The following PEAK1 variants were observed in gnomAD, a reference collection of about 807,000 sequenced individuals.
The protein encoded by PEAK1 is inactive tyrosine-protein kinase PEAK1.
In PEAK1, 54 loss-of-function variants were observed where a neutral mutation model predicts 124.7. The ratio of observed to expected loss-of-function variants is 0.43; its 90% CI spans 0.35 to 0.54. The LOEUF is 0.54. PEAK1 is among the 20% of genes least tolerant of loss of function. The pLI is 0.01. For synonymous variants in PEAK1, 719 were observed against 760.0 expected (o/e 0.95, Z 0.89); for missense variants, 2,046 against 2,134.5 (o/e 0.96, Z 0.82).
chr15:77,321,815 T>C (rs2065237518), intron 2 of PEAK1, among the ~76,000 whole-genome samples: 1 of 152,202 alleles, frequency 6.6e-6, no homozygotes, highest in South Asian at 2.1e-4. Flanking sequence ...CTTTAATCCA[T>C]CTCAAATTAA....
Position 77,179,707 on chromosome 15 carries a change from C to T in PEAK1, c.2220G>A (p.Glu740=). 1.2e-6 allele frequency: 2 copies of T among 1,614,060 alleles called. No individual in the cohort carries two copies. The highest frequency in any genetic ancestry group is 1.3e-5 in the African/African-American group (1 of 75,014). ...GAGTGCCTTCTATTTTGGCCACAGGCTCTTGAGTGGCTCTCTGGATCTTTG... is the reference window on the plus strand; with the variant it reads ...GAGTGCCTTCTATTTTGGCCACAGGTTCTTGAGTGGCTCTCTGGATCTTTG... ...SPAKIQRATQ[E]PVAKIEGTQE... The change falls in exon 7 of 10, where the codon GAG becomes GAA. Residue 740 remains glutamate, a synonymous_variant. Transcript: ENST00000682557.
intron 5 of PEAK1, among the ~76,000 whole-genome samples, chr15:77,254,351 G>A (rs1328362543): frequency 1.3e-5 from 2 of 151,934 alleles, no homozygotes; most frequent in Admixed American, 1.3e-4. Context: ...GGTCATTCAG[G>A]ATATGTTCTT....
chr15:77,332,561 C>CT (rs2065956199), intron 2 of PEAK1, among the ~76,000 whole-genome samples: 1 of 151,918 alleles, frequency 6.6e-6, no homozygotes, highest in South Asian at 2.1e-4. Context: ...GATTGCACCA[C>CT]TGCACTCCAG....
intron 6 of PEAK1, among the ~76,000 whole-genome samples, chr15:77,245,145 G>A (rs1004689103): frequency 3.9e-5 from 6 of 151,932 alleles, no homozygotes; most frequent in Non-Finnish European, 5.9e-5. Context: ...CAAGGCCTAC[G>A]TCAAGGTATA....
chr15:77,414,204 C>CTTCT (rs1271490591), intron 1 of PEAK1, among the ~76,000 whole-genome samples: 1 of 68,728 alleles, frequency 1.5e-5, no homozygotes, highest in Non-Finnish European at 3.9e-5. Context: ...TCCTTCTTTC[C>CTTCT]TTCTTTTTTT....
intron 5 of PEAK1, among the ~76,000 whole-genome samples, chr15:77,277,092 A>G (rs1205028136): frequency 6.6e-6 from 1 of 152,196 alleles, no homozygotes; most frequent in African/African-American, 2.4e-5. Flanking sequence ...GGAAAGCCAG[A>G]AAAACAAACA....
At chr15:77,153,838 TG>T (rs2054880029) in intron 8 of PEAK1, among the ~76,000 whole-genome samples, 1 of 152,348 alleles carries the variant, frequency 6.6e-6, no homozygotes, top group African/African-American at 2.4e-5. Context: ...GATTGCACCG[TG>T]GCCTGAGAGA....
intron 5 of PEAK1, among the ~76,000 whole-genome samples, chr15:77,277,181 T>C (rs1422634330): frequency 6.6e-6 from 1 of 152,176 alleles, no homozygotes; most frequent in East Asian, 1.9e-4. Context: ...TCAACTTAGA[T>C]GGATCTCAAG....
intron 6 of PEAK1, among the ~76,000 whole-genome samples, chr15:77,250,160 TATATACATATATATGTATATG>T (rs2060784353): frequency 7.1e-6 from 1 of 141,620 alleles, no homozygotes. Flanking sequence ...TATATACATA[TATATACATATATATGTATATG>T]TATATATATA....
intron 1 of PEAK1, chr15:77,418,807 T>C (rs1454878611): frequency 1.0e-6 from 1 of 985,134 alleles, no homozygotes; most frequent in East Asian, 1.1e-4. Context: ...TACACATCAC[T>C]ACATCACTTC....
chr15:77,170,787 C>A (rs934355231), intron 7 of PEAK1, among the ~76,000 whole-genome samples: 9 of 152,090 alleles, frequency 5.9e-5, no homozygotes, highest in African/African-American at 2.2e-4. Flanking sequence ...TCAAAAGTTA[C>A]AACTACTCAG....
At chr15:77,240,516 A>G (rs2060308100) in intron 6 of PEAK1, among the ~76,000 whole-genome samples, 1 of 151,742 alleles carries the variant, frequency 6.6e-6, no homozygotes, top group South Asian at 2.1e-4. Context: ...GCTACTTGGG[A>G]GGCTGAGGTG....
rs150508096 is a variant in PEAK1 at position 77,327,920 on chromosome 15, A to C, written c.-603+37243T>G. Among the ~76,000 whole-genome samples the C allele has an allele frequency of 3.5e-3, 537 of 152,248 alleles. 2 individuals are homozygous for C. Among genetic ancestry groups the C allele is most frequent in the African/African-American group, 0.012 (506 of 41,552 alleles). On this transcript the variant is annotated intron_variant, in intron 2 of 9. Transcript: ENST00000682557. ...GAAGGAAAAAAAATAAAAAAACCTTAGTCAAAGCACCCTGAAACGGCAACA... is the reference window on the plus strand; with the variant it reads ...GAAGGAAAAAAAATAAAAAAACCTTCGTCAAAGCACCCTGAAACGGCAACA...
intron 2 of PEAK1, chr15:77,336,155 C>G (rs1567274934): frequency 3.0e-6 from 3 of 985,426 alleles, no homozygotes; most frequent in Non-Finnish European, 3.6e-6. Context: ...CAGATGAGCA[C>G]AAGACCTGCA....
intron 6 of PEAK1, among the ~76,000 whole-genome samples, chr15:77,210,272 G>A (rs1433537686): frequency 6.6e-6 from 1 of 152,142 alleles, no homozygotes; most frequent in African/African-American, 2.4e-5. Flanking sequence ...TATCACTAAA[G>A]TTATTGGTAA....
At chr15:77,371,297 A>G in intron 1 of PEAK1, 2 of 926,724 alleles carry the variant, frequency 2.2e-6, no homozygotes. Flanking sequence ...ATATTGGAAC[A>G]TAATATATAT....
chr15:77,263,517 A>C (rs1467089813), intron 5 of PEAK1, among the ~76,000 whole-genome samples: 1 of 152,146 alleles, frequency 6.6e-6, no homozygotes, highest in Non-Finnish European at 1.5e-5. Flanking sequence ...TAAATGGATA[A>C]ATTCCTCGAC....
At chr15:77,178,688 A>C (rs1267201082) in intron 7 of PEAK1, 102 bp downstream of exon 7, 2 of 1,169,998 alleles carry the variant, frequency 1.7e-6, no homozygotes, top group East Asian at 4.8e-5. Context: ...AGTGCTACTT[A>C]CAAACAGAAA....
chr15:77,389,701 TAATAG>T lies in PEAK1; in HGVS notation c.-665-24481_-665-24477del, dbSNP rs143067274. Among the ~76,000 whole-genome samples the T allele has an allele frequency of 7.2e-3, 1,102 of 152,288 alleles. 14 individuals are homozygous for T. The highest frequency in any genetic ancestry group is 0.025 in the African/African-American group (1,046 of 41,550). On this transcript the variant is annotated intron_variant, in intron 1 of 9. Transcript: ENST00000682557. ...TGGAGGAGGCATCAAGGTGTGCATG[TAATAG>T]AAATCTAGGGTTACTACCTTTTTGT...
Sources: gnomAD v4.1 joint callset for allele counts (sites outside exome capture counted in the v4.1 genomes callset) on GRCh38, gnomAD v4.1.1 for gene constraint, MANE v1.5 for transcripts, NCBI Gene and HGNC (gene_info 2026-07-23, HGNC 2026-07-21) for gene names.